The following UCK2 variants were observed in gnomAD, a reference collection of about 807,000 sequenced individuals.
UCK2 encodes cytidine monophosphokinase 2.
In UCK2, 6 loss-of-function variants were observed where a neutral mutation model predicts 30.8. The ratio of observed to expected loss-of-function variants is 0.19; its 90% confidence interval spans 0.11 to 0.38. The LOEUF (loss-of-function observed/expected upper bound fraction) is 0.38. Ranked by LOEUF, UCK2 falls within the 10% of genes least tolerant of loss-of-function variation. The pLI, the probability that UCK2 is intolerant of heterozygous loss-of-function variation, is 1.00. For missense variants in UCK2, 210 were observed against 339.8 expected, an observed-to-expected ratio of 0.62 and a Z score of 3.00; for synonymous variants, 125 against 133.6, an observed-to-expected ratio of 0.94 and a Z score of 0.45.
At position 165,906,502 on chromosome 1, in the gene UCK2, G is replaced by T. The variant is rs548788853; in HGVS notation, c.646+533G>T. Among the ~76,000 whole-genome samples the T allele has an allele frequency of 5.3e-5, 8 of 152,300 alleles. No individual in the cohort carries two copies. The East Asian group carries it at 1.3e-3, about 26-fold the overall frequency. On this transcript the variant is annotated intron_variant, in intron 6 of 6. Coordinates refer to ENST00000367879, the MANE Select transcript of UCK2 (RefSeq NM_012474.5). Reference sequence around the variant, plus strand: ...CTGGGCCCAGCCTCCCGGTAGCTGGGACTACAGGCTTGCACCACCACGGTC... The same window carrying T: ...CTGGGCCCAGCCTCCCGGTAGCTGGTACTACAGGCTTGCACCACCACGGTC...
chr1:165,899,468 A>G (rs76061232), intron 4 of UCK2, among the ~76,000 whole-genome samples: 1 of 152,076 alleles, frequency 6.6e-6, no homozygotes, highest in Admixed American at 6.5e-5. Flanking sequence ...ACATTTCCTC[A>G]TCAGATTTTT....
At chr1:165,905,457 C>G (rs939023069) in intron 5 of UCK2, among the ~76,000 whole-genome samples, 4 of 151,852 alleles carry the variant, frequency 2.6e-5, no homozygotes, top group Non-Finnish European at 5.9e-5. Flanking sequence ...GCACTCCAGC[C>G]TGGGTGACAG....
intron 1 of UCK2, among the ~76,000 whole-genome samples, chr1:165,880,559 TTTTGGGGGTGTG>T (rs1557843852): frequency 4.6e-5 from 4 of 86,096 alleles, no homozygotes; most frequent in East Asian, 3.4e-4. Flanking sequence ...ATTCAGTTTT[TTTTGGGGGTGTG>T]TGTGTGTGTG....
intron 1 of UCK2, among the ~76,000 whole-genome samples, chr1:165,869,720 G>A (rs1420830840): frequency 8.1e-5 from 11 of 135,460 alleles, no homozygotes; most frequent in Non-Finnish European, 1.5e-4. Context: ...TCACGCTGGA[G>A]TGCAGTGTGT....
chr1:165,857,624 G>A (rs1250659116), intron 1 of UCK2, among the ~76,000 whole-genome samples: 4 of 152,158 alleles, frequency 2.6e-5, no homozygotes, highest in Non-Finnish European at 4.4e-5. Flanking sequence ...AGACAAAATC[G>A]GAGGGCTTGG....
chr1:165,860,495 C>T lies in UCK2; in HGVS notation c.100-29709C>T, dbSNP rs116462216. On this transcript the variant is annotated intron_variant, in intron 1 of 6. Transcript: ENST00000367879. ...ACGGGCCTCACTCCAGTTGCCCAGG[C>T]GGGAGTGCAGTGGTGCAATTGCAGC... 3.1e-3 allele frequency among the ~76,000 whole-genome samples: 479 copies of T among 152,136 alleles called. 2 individuals are homozygous for T. The highest frequency in any genetic ancestry group is 0.011 in the African/African-American group (447 of 41,508).
intron 1 of UCK2, among the ~76,000 whole-genome samples, chr1:165,861,641 A>C (rs1326050311): frequency 9.0e-6 from 1 of 111,172 alleles, no homozygotes; most frequent in Non-Finnish European, 1.8e-5. Context: ...AAAAAAAAAA[A>C]AAAAAAAACA....
chr1:165,869,596 A>AT (rs931059103), intron 1 of UCK2, among the ~76,000 whole-genome samples: 13 of 143,562 alleles, frequency 9.1e-5, no homozygotes, highest in Admixed American at 7.2e-4. Flanking sequence ...TGTTCTTTCT[A>AT]GTTTCTTTCT....
intron 1 of UCK2, among the ~76,000 whole-genome samples, chr1:165,841,536 C>T (rs1228724744): frequency 1.3e-5 from 2 of 152,152 alleles, no homozygotes; most frequent in African/African-American, 2.4e-5. Flanking sequence ...GAAGCTTCCA[C>T]CCCTTCCTGC....
At chr1:165,896,041 G>A in intron 3 of UCK2, 149 bp from the exon 4 acceptor site, 1 of 1,004,824 alleles carries the variant, frequency 1.0e-6, no homozygotes, top group South Asian at 1.5e-5. Flanking sequence ...GGCTCTGTAA[G>A]ACCATATTAG....
In UCK2 at chr1:165,890,349, A is replaced by G. The variant is rs763551292; in HGVS notation, c.245A>G (p.Asn82Ser). The change falls in exon 2 of 7, where the codon AAC becomes AGC. Residue 82 changes from asparagine to serine, a missense_variant. This residue lies in a region of UCK2 where 75 missense variants were observed against 124.7 expected (regional missense o/e 0.60). Coordinates refer to ENST00000367879, the MANE Select transcript of UCK2 (RefSeq NM_012474.5). ...GCCAAAGCCCTGAAGGGCCAGTTCA[A>G]CTTTGACCACCCGGGTGAGTCGGGC... The part of the protein sequence containing the change: ...QKAKALKGQF[N>S]FDHPDAFDNE... 4 of 1,613,678 alleles carry G rather than the reference A, an allele frequency of 2.5e-6. No homozygotes were observed. In the South Asian group the frequency reaches 3.3e-5, roughly 13 times the overall value.
At chr1:165,860,786 G>T (rs147693029) in intron 1 of UCK2, among the ~76,000 whole-genome samples, 14 of 152,124 alleles carry the variant, frequency 9.2e-5, no homozygotes, top group African/African-American at 2.9e-4. Flanking sequence ...ATATCTATTC[G>T]CTATTCTTGA....
intron 1 of UCK2, among the ~76,000 whole-genome samples, chr1:165,868,323 G>T (rs1049397447): frequency 1.3e-5 from 2 of 152,188 alleles, no homozygotes; most frequent in Non-Finnish European, 2.9e-5. Flanking sequence ...GTCACCAGTT[G>T]CATTAGCCTC....
intron 1 of UCK2, among the ~76,000 whole-genome samples, chr1:165,857,707 C>T (rs1451669919): frequency 6.6e-6 from 1 of 152,188 alleles, no homozygotes; most frequent in Admixed American, 6.5e-5. Flanking sequence ...GGCTTGACAG[C>T]CCTGTGTGCG....
chr1:165,896,061 T>C lies in UCK2; in HGVS notation c.357-129T>C, dbSNP rs952927757. ...TGTAAGACCATATTAGCCAAGTCTT[T>C]AGCCCCCGCTTGAAGTCTGTGGGGG... On this transcript the variant is annotated intron_variant, in intron 3 of 6. Coordinates refer to ENST00000367879, the MANE Select transcript of UCK2 (RefSeq NM_012474.5). 89 of 1,215,400 alleles carry C rather than the reference T, an allele frequency of 7.3e-5. 2 individuals are homozygous for C. In the African/African-American group the frequency reaches 1.2e-3, roughly 17 times the overall value. The allele number at this position is 1,215,400 out of a possible 1,614,324, so 75.3% of individuals were successfully genotyped here. A position where few individuals can be genotyped will look rare whatever the true frequency, so the allele number is the denominator to read the frequency against.
intron 1 of UCK2, among the ~76,000 whole-genome samples, chr1:165,828,344 A>T (rs1286400746): frequency 1.3e-5 from 2 of 152,160 alleles, no homozygotes; most frequent in African/African-American, 2.4e-5. Context: ...GGTCTGGCAC[A>T]GACGTGCTCG....
At chr1:165,875,623 AG>A (rs1157014623) in intron 1 of UCK2, among the ~76,000 whole-genome samples, 1 of 152,218 alleles carries the variant, frequency 6.6e-6, no homozygotes, top group Non-Finnish European at 1.5e-5. Context: ...CTTCAAGTCG[AG>A]GTTCCCATAA....
intron 1 of UCK2, among the ~76,000 whole-genome samples, chr1:165,866,077 T>G (rs1008160775): frequency 6.6e-6 from 1 of 151,944 alleles, no homozygotes; most frequent in African/African-American, 2.4e-5. Context: ...AAAGGTACTT[T>G]CAGGGAGCAG....
chr1:165,901,104 A>C (rs975099613), intron 4 of UCK2, among the ~76,000 whole-genome samples: 3 of 152,146 alleles, frequency 2.0e-5, no homozygotes, highest in Non-Finnish European at 4.4e-5. Flanking sequence ...CGAGTCTCCC[A>C]GCAGATCTGC....
Sources: gnomAD v4.1 joint callset for allele counts (sites outside exome capture counted in the v4.1 genomes callset) on GRCh38, gnomAD v4.1.1 for gene constraint, gnomAD v4.1.1 regional missense constraint, MANE v1.5 for transcripts, NCBI Gene and HGNC (gene_info 2026-07-23, HGNC 2026-07-21) for gene names.